The following ACER3 variants were observed in gnomAD, a reference collection of about 807,000 sequenced individuals.
ACER3 encodes alkCDase 3.
A neutral mutation model predicts 48.9 loss-of-function variants in ACER3; 16 were observed. The ratio of observed to expected loss-of-function variants is 0.33; its 90% CI spans 0.22 to 0.50. The LOEUF (loss-of-function observed/expected upper bound fraction) is 0.50. ACER3 is among the 20% of genes least tolerant of loss of function. The pLI, the probability that ACER3 is intolerant of heterozygous loss-of-function variation, is 0.98. For synonymous variants in ACER3, 109 were observed against 107.8 expected (o/e 1.01, Z -0.07); for missense variants, 227 against 326.0 (o/e 0.70, Z 2.34).
intron 3 of ACER3, among the ~76,000 whole-genome samples, chr11:76,967,265 T>G (rs1025861109): frequency 6.6e-6 from 1 of 152,098 alleles, no homozygotes; most frequent in African/African-American, 2.4e-5. Flanking sequence ...CAGGAAGAAG[T>G]TGAATCTCCG....
chr11:77,017,128 CA>C (rs1325770995), intron 9 of ACER3, among the ~76,000 whole-genome samples: 1 of 151,826 alleles, frequency 6.6e-6, no homozygotes, highest in African/African-American at 2.4e-5. Context: ...CCAAATTTGG[CA>C]GAAGGAAAGA....
chr11:76,918,887 C>T (rs944544694), intron 1 of ACER3, among the ~76,000 whole-genome samples: 6 of 152,126 alleles, frequency 3.9e-5, no homozygotes, highest in Admixed American at 2.6e-4. Context: ...TAGATGATCT[C>T]CCTATCTACA....
intron 1 of ACER3, among the ~76,000 whole-genome samples, chr11:76,916,081 G>A (rs894744744): frequency 6.6e-6 from 1 of 152,172 alleles, no homozygotes; most frequent in Admixed American, 6.5e-5. Flanking sequence ...AATTTAAAAT[G>A]CATTTTAAAG....
At chr11:76,964,160 G>A (rs1948074216) in intron 3 of ACER3, among the ~76,000 whole-genome samples, 1 of 151,442 alleles carries the variant, frequency 6.6e-6, no homozygotes, top group South Asian at 2.1e-4. Flanking sequence ...CACACCAGGA[G>A]ATTATATCCC....
intron 2 of ACER3, among the ~76,000 whole-genome samples, chr11:76,942,066 G>T (rs1387398769): frequency 6.6e-6 from 1 of 151,934 alleles, no homozygotes; most frequent in Non-Finnish European, 1.5e-5. Flanking sequence ...GAGTTTTTTT[G>T]GTGGAGTCTT....
At chr11:76,923,000 G>C (rs774717433) in intron 1 of ACER3, among the ~76,000 whole-genome samples, 1 of 151,820 alleles carries the variant, frequency 6.6e-6, no homozygotes. Context: ...AATGGTTTCT[G>C]TATTAATTTT....
chr11:76,904,518 A>G (rs1946167399), intron 1 of ACER3, among the ~76,000 whole-genome samples: 1 of 152,076 alleles, frequency 6.6e-6, no homozygotes, highest in Non-Finnish European at 1.5e-5. Flanking sequence ...GTCTCCCTAA[A>G]TTGTATAAAG....
At position 76,928,643 on chromosome 11, in the gene ACER3, T is replaced by A. The variant is rs370143249; in HGVS notation, c.214+1976T>A. Among the ~76,000 whole-genome samples the A allele has an allele frequency of 5.8e-3, 879 of 152,288 alleles. 7 individuals carry two copies. Among genetic ancestry groups the A allele is most frequent in the African/African-American group, 0.016 (685 of 41,558 alleles). On this transcript the variant is annotated intron_variant, in intron 2 of 10. Coordinates refer to ENST00000532485, the MANE Select transcript of ACER3 (RefSeq NM_018367.7). ...ATCTTGAATTAATTTTTGTATAAGG[T>A]GTAAGGAAGGGATCCAGTTTCAGCT...
intron 1 of ACER3, among the ~76,000 whole-genome samples, chr11:76,903,057 A>G (rs1946121458): frequency 1.3e-5 from 2 of 152,184 alleles, no homozygotes; most frequent in South Asian, 2.1e-4. Context: ...TAGTATTTAC[A>G]TAAGTTTTAT....
intron 6 of ACER3, among the ~76,000 whole-genome samples, chr11:76,992,895 G>T (rs192584203): frequency 2.5e-4 from 38 of 150,592 alleles, no homozygotes; most frequent in Admixed American, 5.9e-4. Context: ...TTGAAATAGA[G>T]CCTCGCCCTG....
intron 6 of ACER3, among the ~76,000 whole-genome samples, chr11:76,993,281 A>T (rs957510679): frequency 6.6e-6 from 1 of 152,216 alleles, no homozygotes; most frequent in Non-Finnish European, 1.5e-5. Context: ...CAAGGACCTT[A>T]CACCCTATCT....
At chr11:76,922,153 A>ACT (rs1017222809) in intron 1 of ACER3, among the ~76,000 whole-genome samples, 2 of 152,008 alleles carry the variant, frequency 1.3e-5, no homozygotes, top group African/African-American at 4.8e-5. Context: ...GGTTGTCCTT[A>ACT]CTCTCTCTAA....
chr11:77,003,126 T>C (rs1555020224), intron 7 of ACER3, among the ~76,000 whole-genome samples: 1 of 152,218 alleles, frequency 6.6e-6, no homozygotes, highest in Non-Finnish European at 1.5e-5. Context: ...ACTTTATGAA[T>C]ATTTTAACAT....
intron 1 of ACER3, among the ~76,000 whole-genome samples, chr11:76,883,865 C>T (rs986863719): frequency 1.3e-5 from 2 of 152,096 alleles, no homozygotes; most frequent in African/African-American, 4.8e-5. Context: ...TTGTTCTGGC[C>T]AGCAGTTAGA....
At chr11:76,978,815 T>A (rs1948510264) in intron 4 of ACER3, among the ~76,000 whole-genome samples, 1 of 152,210 alleles carries the variant, frequency 6.6e-6, no homozygotes, top group Non-Finnish European at 1.5e-5. Context: ...CACCACTGCA[T>A]TCCCCTTGTC....
At chr11:77,014,741 C>A (rs1364033070) in intron 7 of ACER3, among the ~76,000 whole-genome samples, 2 of 152,108 alleles carry the variant, frequency 1.3e-5, no homozygotes, top group Admixed American at 6.5e-5. Context: ...AAAACTGTTC[C>A]TTCTCATGAA....
At chr11:76,906,195 G>A (rs1159198099) in intron 1 of ACER3, among the ~76,000 whole-genome samples, 3 of 152,192 alleles carry the variant, frequency 2.0e-5, no homozygotes, top group Non-Finnish European at 4.4e-5. Flanking sequence ...GGCTGAAACT[G>A]CCTTTGTAAG....
At chr11:77,001,492 G>A (rs1555019811) in intron 7 of ACER3, among the ~76,000 whole-genome samples, 3 of 152,162 alleles carry the variant, frequency 2.0e-5, no homozygotes, top group Non-Finnish European at 2.9e-5. Flanking sequence ...TCCTGACCAT[G>A]TGATCTGCCT....
intron 2 of ACER3, among the ~76,000 whole-genome samples, chr11:76,942,760 T>C (rs1290379664): frequency 6.6e-6 from 1 of 151,978 alleles, no homozygotes; most frequent in East Asian, 1.9e-4. Context: ...AGTATTGGTA[T>C]TAGTTCTTCT....
Sources: allele counts gnomAD v4.1 joint callset (sites outside exome capture counted in the v4.1 genomes callset), GRCh38; gene constraint gnomAD v4.1.1; transcripts MANE v1.5; gene names NCBI Gene and HGNC (gene_info 2026-07-23, HGNC 2026-07-21).